The following ADAT2 variants were observed in gnomAD, a reference collection of about 807,000 sequenced individuals.
ADAT2 encodes the protein tRNA-specific adenosine-34 deaminase catalytic subunit ADAT2.
In ADAT2, 26 loss-of-function variants were observed where a neutral mutation model predicts 25.9. The observed-to-expected ratio is 1.00, with a 90% CI of 0.74 to 1.39. ADAT2 has a LOEUF of 1.39. ADAT2 is among the 40% of genes most tolerant of loss of function. ADAT2 has a pLI of 0.00. For synonymous variants in ADAT2, 76 were observed against 86.8 expected, an observed-to-expected ratio of 0.88 and a Z score of 0.69; for missense variants, 220 against 244.8, an observed-to-expected ratio of 0.90 and a Z score of 0.68.
chr6:143,432,730 G>T lies in ADAT2; in HGVS notation c.353-119C>A. ...AACGCTCATGCTACTCTTCAAACCA[G>T]TGAAGCTTAGGATTCGTCTTATAAA... On this transcript the variant is annotated intron_variant, in intron 3 of 5. Transcript: ENST00000237283. This position sits in a 1 kb window ranked among gnomAD's most constrained non-coding sequence, Gnocchi z 4.4. The T allele has an allele frequency of 1.1e-6, 1 of 893,616 alleles. No homozygotes were observed. The highest frequency in any genetic ancestry group is 1.8e-6 in the Non-Finnish European group (1 of 556,952). 55.4% of individuals were successfully genotyped at this position (893,616 alleles called of 1,614,324 possible).
At position 143,428,023 on chromosome 6, in the gene ADAT2, C is replaced by T. The variant is rs376223175; in HGVS notation, c.*440G>A. 5.2e-4 allele frequency: 87 copies of T among 168,442 alleles called. No homozygotes were observed. Among genetic ancestry groups the T allele is most frequent in the Middle Eastern group, 3.1e-3 (1 of 320 alleles). The allele number at this position is 168,442 out of a possible 1,614,324, so 10.4% of individuals were successfully genotyped here. On this transcript the variant is annotated 3_prime_UTR_variant, in exon 6 of 6. Transcript: ENST00000237283. The surrounding 1 kb of genome is among the most constrained non-coding windows in gnomAD (Gnocchi z 5.0). Reference sequence around the variant, plus strand: ...AGCCCCCAGTGCCCTGGAAGAACATCGTAGCTGCAAAAAATGAAGAATCTG... The same window carrying T: ...AGCCCCCAGTGCCCTGGAAGAACATTGTAGCTGCAAAAAATGAAGAATCTG...
chr6:143,444,840 C>T lies in ADAT2; in HGVS notation c.96+5723G>A, dbSNP rs377110502. On this transcript the variant is annotated intron_variant, in intron 1 of 5. Transcript: ENST00000237283. This position sits in a 1 kb window ranked among gnomAD's most constrained non-coding sequence, Gnocchi z 4.3. Reference sequence around the variant, plus strand: ...GAAAGCACCTAGATGGAAGAGACTTCGTAGTTTATTATTTTCTCCAAAGAC... The same window carrying T: ...GAAAGCACCTAGATGGAAGAGACTTTGTAGTTTATTATTTTCTCCAAAGAC... The T allele has an allele frequency of 4.0e-4, 395 of 989,488 alleles. 5 individuals are homozygous for T. In the South Asian group the frequency reaches 5.1e-3, roughly 13 times the overall value. 61.3% of individuals were successfully genotyped at this position (989,488 alleles called of 1,614,324 possible). A position where few individuals can be genotyped will look rare whatever the true frequency, so the allele number is the denominator to read the frequency against.
In ADAT2 at chr6:143,427,793, ATCTTT is replaced by A. The variant is rs1778983056; in HGVS notation, c.*665_*669del. On this transcript the variant is annotated 3_prime_UTR_variant, in exon 6 of 6. Transcript: ENST00000237283. ...TAACAATTGTCCCATTTATGTCTTT[ATCTTT>A]TAAGACTATTCATCTTCAAATAAGA... 1 of 152,192 alleles carries A rather than the reference ATCTTT, an allele frequency of 6.6e-6. No homozygotes were observed. Among genetic ancestry groups the A allele is most frequent in the Admixed American group, 6.5e-5 (1 of 15,280 alleles). The allele number at this position is 152,192 out of a possible 1,614,324, so 9.4% of individuals were successfully genotyped here. A position where few individuals can be genotyped will look rare whatever the true frequency, so the allele number is the denominator to read the frequency against.
chr6:143,434,607 G>A lies in ADAT2; in HGVS notation c.202-626C>T, dbSNP rs1779213745. Among the ~76,000 whole-genome samples the A allele has an allele frequency of 6.6e-6, 1 of 152,126 alleles. No homozygotes were observed. The highest frequency in any genetic ancestry group is 2.4e-5 in the African/African-American group (1 of 41,418). ...TTGACAGTGACATTACCAATTATGT[G>A]GACTTACGCAAGTAACTTAACTTCT... On this transcript the variant is annotated intron_variant, in intron 2 of 5. Transcript: ENST00000237283. The surrounding 1 kb of genome is among the most constrained non-coding windows in gnomAD (Gnocchi z 4.5).
In ADAT2 at chr6:143,424,725, CATT is replaced by C. The variant is rs923167200; in HGVS notation, c.*3735_*3737del. 5.3e-5 allele frequency: 8 copies of C among 152,190 alleles called. No individual in the cohort carries two copies. The highest frequency in any genetic ancestry group is 1.0e-4 in the Non-Finnish European group (7 of 68,038). 9.4% of individuals were successfully genotyped at this position (152,190 alleles called of 1,614,324 possible). A position where few individuals can be genotyped will look rare whatever the true frequency, so the allele number is the denominator to read the frequency against. On this transcript the variant is annotated 3_prime_UTR_variant, in exon 6 of 6. Transcript: ENST00000237283. This position sits in a 1 kb window ranked among gnomAD's most constrained non-coding sequence, Gnocchi z 4.8. ...CTTATTAAGATATCACTATTTAAAA[CATT>C]CTTATTAGAAAAATTTTTTTTATCA...
intron 4 of ADAT2, among the ~76,000 whole-genome samples, chr6:143,431,793 C>T (rs1186772288): frequency 3.9e-5 from 6 of 152,188 alleles, no homozygotes; most frequent in Non-Finnish European, 8.8e-5. Context: ...AATACTTTTA[C>T]ATTAACCTTA....
intron 1 of ADAT2, chr6:143,441,866 A>T (rs942512925): frequency 6.6e-6 from 1 of 152,228 alleles, no homozygotes; most frequent in Non-Finnish European, 1.5e-5. Context: ...CTACACACCC[A>T]TCAGCATGAC....
At chr6:143,443,571 C>T (rs1023868436) in intron 1 of ADAT2, among the ~76,000 whole-genome samples, 2 of 152,122 alleles carry the variant, frequency 1.3e-5, no homozygotes, top group African/African-American at 2.4e-5. Flanking sequence ...TGGCCCATGC[C>T]TGTAATCCCA....
In ADAT2 at chr6:143,432,965, T is replaced by C. The variant is rs1562637999; in HGVS notation, c.353-354A>G. Among the ~76,000 whole-genome samples the C allele has an allele frequency of 6.6e-6, 1 of 152,184 alleles. No homozygotes were observed. The highest frequency in any genetic ancestry group is 1.5e-5 in the Non-Finnish European group (1 of 68,026). ...AATTTAATCCAGGGATTTTCACCTT[T>C]TAGAAATAAAAGATTCTTCCCTGTT... On this transcript the variant is annotated intron_variant, in intron 3 of 5. Coordinates refer to ENST00000237283, the MANE Select transcript of ADAT2 (RefSeq NM_182503.3). The surrounding 1 kb of genome is among the most constrained non-coding windows in gnomAD (Gnocchi z 4.4).
intron 1 of ADAT2, among the ~76,000 whole-genome samples, chr6:143,449,013 G>A (rs916747075): frequency 2.0e-5 from 3 of 151,688 alleles, no homozygotes; most frequent in African/African-American, 7.3e-5. Context: ...TATATATGTC[G>A]CAAATATTTT....
In ADAT2 at chr6:143,426,967, CA is replaced by C. The variant is rs1363818338; in HGVS notation, c.*1495del. Reference sequence around the variant, plus strand: ...AATTACGACCAACTGCAAAAAGGAACAAACTAGTAGAAGCACTAAAATTCAA... The same window carrying C: ...AATTACGACCAACTGCAAAAAGGAACAACTAGTAGAAGCACTAAAATTCAA... On this transcript the variant is annotated 3_prime_UTR_variant, in exon 6 of 6. Coordinates refer to ENST00000237283, the MANE Select transcript of ADAT2 (RefSeq NM_182503.3). The surrounding 1 kb of genome is among the most constrained non-coding windows in gnomAD (Gnocchi z 4.1). 10 of 152,112 alleles carry C rather than the reference CA, an allele frequency of 6.6e-5. No homozygotes were observed. The highest frequency in any genetic ancestry group is 1.3e-4 in the Non-Finnish European group (9 of 68,024). The allele number at this position is 152,112 out of a possible 1,614,324, so 9.4% of individuals were successfully genotyped here. A position where few individuals can be genotyped will look rare whatever the true frequency, so the allele number is the denominator to read the frequency against.
chr6:143,444,815 G>GA lies in ADAT2; in HGVS notation c.96+5747dup. The GA allele has an allele frequency of 2.8e-6, 2 of 726,726 alleles. No individual in the cohort carries two copies. The highest frequency in any genetic ancestry group is 4.9e-5 in the South Asian group (2 of 41,208). The allele number at this position is 726,726 out of a possible 1,614,324, so 45.0% of individuals were successfully genotyped here. On this transcript the variant is annotated intron_variant, in intron 1 of 5. Transcript: ENST00000237283. This position sits in a 1 kb window ranked among gnomAD's most constrained non-coding sequence, Gnocchi z 4.3. ...CAGGGCCTGCCCAGATACAGATAATGAAAGCACCTAGATGGAAGAGACTTC... is the reference window on the plus strand; with the variant it reads ...CAGGGCCTGCCCAGATACAGATAATGAAAAGCACCTAGATGGAAGAGACTTC...
rs1779496488 is a variant in ADAT2, at chr6:143,442,629, T to A, written c.97-3935A>T. ...TTACCACTGAAGGACACTAGACACT[T>A]GGGTCCTCCCAGTATATTATTATTG... On this transcript the variant is annotated intron_variant, in intron 1 of 5. Coordinates refer to ENST00000237283, the MANE Select transcript of ADAT2 (RefSeq NM_182503.3). The surrounding 1 kb of genome is among the most constrained non-coding windows in gnomAD (Gnocchi z 4.6). Among the ~76,000 whole-genome samples, 1 of 152,158 alleles carries A rather than the reference T, an allele frequency of 6.6e-6. No homozygotes were observed. Among genetic ancestry groups the A allele is most frequent in the Non-Finnish European group, 1.5e-5 (1 of 68,026 alleles).
At chr6:143,447,445 G>A (rs1395510437) in intron 1 of ADAT2, among the ~76,000 whole-genome samples, 1 of 152,106 alleles carries the variant, frequency 6.6e-6, no homozygotes, top group Non-Finnish European at 1.5e-5. Flanking sequence ...AAAAACTGCT[G>A]ATAATCAAAA....
In ADAT2 at chr6:143,428,378, T is replaced by G; in HGVS notation, c.*85A>C. The G allele has an allele frequency of 7.0e-6, 10 of 1,436,432 alleles. No homozygotes were observed. The highest frequency in any genetic ancestry group is 9.6e-6 in the Non-Finnish European group (10 of 1,038,096). 89.0% of individuals were successfully genotyped at this position (1,436,432 alleles called of 1,614,324 possible). On this transcript the variant is annotated 3_prime_UTR_variant, in exon 6 of 6. Transcript: ENST00000237283. The surrounding 1 kb of genome is among the most constrained non-coding windows in gnomAD (Gnocchi z 5.0). ...GCAGATTAAAAACAATATATAAACATATGATTCAACGATGTCAACAGCTTT... is the reference window on the plus strand; with the variant it reads ...GCAGATTAAAAACAATATATAAACAGATGATTCAACGATGTCAACAGCTTT...
chr6:143,443,937 T>C (rs1184835021), intron 1 of ADAT2, among the ~76,000 whole-genome samples: 4 of 151,652 alleles, frequency 2.6e-5, no homozygotes, highest in Non-Finnish European at 5.9e-5. Context: ...GAGCTCTACA[T>C]TGGCTATGTG....
intron 2 of ADAT2, among the ~76,000 whole-genome samples, chr6:143,435,387 A>G (rs1439503117): frequency 6.6e-6 from 1 of 152,178 alleles, no homozygotes; most frequent in African/African-American, 2.4e-5. Flanking sequence ...TGGTGGTGGT[A>G]TCAGATCCAA....
chr6:143,449,364 ATC>A (rs1779689676), intron 1 of ADAT2, among the ~76,000 whole-genome samples: 4 of 152,188 alleles, frequency 2.6e-5, no homozygotes, highest in Non-Finnish European at 4.4e-5. Flanking sequence ...GCTACTTTGT[ATC>A]TTTTTAAACA....
In ADAT2 at chr6:143,446,056, TAA is replaced by T. The variant is rs541233024; in HGVS notation, c.96+4505_96+4506del. Among the ~76,000 whole-genome samples the T allele has an allele frequency of 1.5e-5, 2 of 136,820 alleles. No individual in the cohort carries two copies. The highest frequency in any genetic ancestry group is 3.2e-5 in the Non-Finnish European group (2 of 62,594). The allele number at this position is 136,820 out of a possible 152,430, so 89.8% of individuals were successfully genotyped here. On this transcript the variant is annotated intron_variant, in intron 1 of 5. Coordinates refer to ENST00000237283, the MANE Select transcript of ADAT2 (RefSeq NM_182503.3). This position sits in a 1 kb window ranked among gnomAD's most constrained non-coding sequence, Gnocchi z 5.0. The stretch of plus-strand genomic sequence containing the variant: ...TGTTCAAGGTGGAGAACTTAGCGAT[TAA>T]AAAAAAAAAACCTCATGTATCAAAA...
Sources: allele counts gnomAD v4.1 joint callset (sites outside exome capture counted in the v4.1 genomes callset), GRCh38; gene constraint gnomAD v4.1.1; non-coding constraint Gnocchi (gnomAD v3.1); transcripts MANE v1.5; gene names NCBI Gene and HGNC (gene_info 2026-07-23, HGNC 2026-07-21).